Variants in THSD7B observed in about 807,000 individuals in gnomAD.
THSD7B encodes thrombospondin type 1 domain containing 7B.
A neutral mutation model predicts 213.6 loss-of-function variants in THSD7B; 138 were observed. The ratio of observed to expected loss-of-function variants is 0.65; its 90% confidence interval spans 0.56 to 0.74. The LOEUF is 0.74. THSD7B is among the 30% of genes least tolerant of loss of function. The probability of loss-of-function intolerance (pLI) is 0.00; values close to 1 mark genes in which losing one functional copy is unlikely to be tolerated. For synonymous variants in THSD7B, 742 were observed against 687.0 expected, an observed-to-expected ratio of 1.08 and a Z score of -1.25; for missense variants, 1,931 against 1,991.5, an observed-to-expected ratio of 0.97 and a Z score of 0.58.
At position 136,995,523 on chromosome 2, in the gene THSD7B, C is replaced by A. The variant is rs540849034; in HGVS notation, c.140-60897C>A. On this transcript the variant is annotated intron_variant, in intron 2 of 27. Coordinates refer to ENST00000409968, the MANE Select transcript of THSD7B (RefSeq NM_001316349.2). ...GTTTCAAGGAAAGTTTTAATTTGAA[C>A]TAGTCTGAGTAGTAAAAAGAACTAA... Among the ~76,000 whole-genome samples the A allele has an allele frequency of 8.5e-5, 13 of 152,080 alleles. No homozygotes were observed. In the East Asian group the frequency reaches 2.5e-3, roughly 30 times the overall value.
chr2:137,112,914 T>C (rs1222542466), intron 4 of THSD7B, among the ~76,000 whole-genome samples: 1 of 152,136 alleles, frequency 6.6e-6, no homozygotes, highest in East Asian at 1.9e-4. Flanking sequence ...ATCTCCCTTG[T>C]ACAGGTAGGA....
At chr2:137,413,426 A>C (rs149005646) in intron 14 of THSD7B, among the ~76,000 whole-genome samples, 66 of 152,366 alleles carry the variant, frequency 4.3e-4, no homozygotes, top group African/African-American at 1.5e-3. Context: ...ATAGAAATAG[A>C]ACAAATACAT....
At position 137,003,688 on chromosome 2, in the gene THSD7B, A is replaced by G. The variant is rs187244774; in HGVS notation, c.140-52732A>G. Among the ~76,000 whole-genome samples the G allele has an allele frequency of 1.2e-3, 184 of 152,242 alleles. 1 individual carries two copies. Among genetic ancestry groups the G allele is most frequent in the Admixed American group, 2.0e-3 (30 of 15,294 alleles). On this transcript the variant is annotated intron_variant, in intron 2 of 27. Coordinates refer to ENST00000409968, the MANE Select transcript of THSD7B (RefSeq NM_001316349.2). The stretch of plus-strand genomic sequence containing the variant: ...CATTCTCCTAGCCAAGACTCCTTAT[A>G]AGCATCTATTTACTGTGTACCTATC...
At chr2:137,286,169 CAA>C (rs1683173953) in intron 12 of THSD7B, among the ~76,000 whole-genome samples, 1 of 150,086 alleles carries the variant, frequency 6.7e-6, no homozygotes, top group Non-Finnish European at 1.5e-5. Flanking sequence ...TTATATAAAA[CAA>C]AGGCAAGTAA....
rs1312852881 is a variant in THSD7B at position 137,231,206 on chromosome 2, C to T, written c.1886C>T (p.Ser629Leu). ...AACTCAGATGGGAAACAGACCAGGT[C>T]AAGAACTATCCTGGCACTGGCTGGG... ...NKNSDGKQTR[S>L]RTILALAGEG... Residue 629 changes from serine to leucine, a missense_variant, in exon 8 of 28, where the codon TCA becomes TTA. Coordinates refer to ENST00000409968, the MANE Select transcript of THSD7B (RefSeq NM_001316349.2). 6.2e-7 allele frequency: 1 copy of T among 1,612,196 alleles called. No individual in the cohort carries two copies. The highest frequency in any genetic ancestry group is 1.1e-5 in the South Asian group (1 of 90,724).
intron 1 of THSD7B, among the ~76,000 whole-genome samples, chr2:136,766,426 C>G (rs958521471): frequency 8.5e-5 from 13 of 152,054 alleles, no homozygotes; most frequent in Admixed American, 7.2e-4. Flanking sequence ...GGGGGACAGG[C>G]ATATTTTCTA....
At chr2:137,450,388 T>C (rs943393998) in intron 14 of THSD7B, among the ~76,000 whole-genome samples, 3 of 152,380 alleles carry the variant, frequency 2.0e-5, no homozygotes, top group African/African-American at 7.2e-5. Context: ...GTCCACTGTC[T>C]GTCCTCTTCC....
intron 2 of THSD7B, among the ~76,000 whole-genome samples, chr2:137,018,857 T>C (rs1686391325): frequency 6.6e-6 from 1 of 152,218 alleles, no homozygotes; most frequent in Admixed American, 6.5e-5. Flanking sequence ...TTGGGAATTA[T>C]TGGCAGTTTC....
intron 5 of THSD7B, among the ~76,000 whole-genome samples, chr2:137,131,955 G>T (rs9711264): frequency 6.7e-6 from 1 of 148,964 alleles, no homozygotes; most frequent in African/African-American, 2.5e-5. Context: ...CATTGAATCT[G>T]TAAATTACCT....
chr2:136,862,575 G>T (rs1317135685), intron 1 of THSD7B, among the ~76,000 whole-genome samples: 1 of 152,166 alleles, frequency 6.6e-6, no homozygotes, highest in African/African-American at 2.4e-5. Context: ...TGAAAGAAAT[G>T]TGTAAATGAT....
chr2:137,136,662 C>T (rs1679467630), intron 5 of THSD7B, among the ~76,000 whole-genome samples: 3 of 152,270 alleles, frequency 2.0e-5, no homozygotes, highest in African/African-American at 7.2e-5. Context: ...CTGTTTGGCT[C>T]TTTTTAAATT....
chr2:137,644,790 C>CTT (rs1383976819), intron 21 of THSD7B, among the ~76,000 whole-genome samples: 1 of 152,138 alleles, frequency 6.6e-6, no homozygotes, highest in African/African-American at 2.4e-5. Context: ...GGATCTCATT[C>CTT]AATGAGGGAG....
At chr2:137,152,372 T>G (rs1012106781) in intron 5 of THSD7B, among the ~76,000 whole-genome samples, 29 of 152,216 alleles carry the variant, frequency 1.9e-4, no homozygotes, top group African/African-American at 6.8e-4. Context: ...ATTATTACTA[T>G]AACAGCTTAC....
chr2:137,246,891 T>A (rs899581411), intron 10 of THSD7B, among the ~76,000 whole-genome samples: 1 of 152,196 alleles, frequency 6.6e-6, no homozygotes, highest in African/African-American at 2.4e-5. Flanking sequence ...TCTCAGCCTT[T>A]AGTTTTTTCA....
chr2:137,173,162 C>A (rs920097), intron 7 of THSD7B, among the ~76,000 whole-genome samples: 10,208 of 151,996 alleles, frequency 0.067, 356 homozygotes, highest in African/African-American at 0.086. Context: ...ATAACCATTC[C>A]AAAAAGCCAT....
chr2:137,395,717 G>A (rs1242912995), intron 12 of THSD7B, among the ~76,000 whole-genome samples: 2 of 151,936 alleles, frequency 1.3e-5, no homozygotes, highest in African/African-American at 4.8e-5. Context: ...TCTATTGATT[G>A]GAATAGTTTC....
intron 15 of THSD7B, among the ~76,000 whole-genome samples, chr2:137,509,074 A>G (rs1322675233): frequency 6.6e-6 from 1 of 152,170 alleles, no homozygotes; most frequent in Non-Finnish European, 1.5e-5. Flanking sequence ...CTCCCTGGCC[A>G]AAGCAGTATT....
intron 15 of THSD7B, among the ~76,000 whole-genome samples, chr2:137,472,230 G>T (rs1688107797): frequency 6.6e-6 from 1 of 152,128 alleles, no homozygotes; most frequent in South Asian, 2.1e-4. Context: ...AAATAGAAAA[G>T]AAATTAGGAA....
intron 9 of THSD7B, among the ~76,000 whole-genome samples, chr2:137,233,872 T>C (rs1681699718): frequency 6.6e-6 from 1 of 152,188 alleles, no homozygotes; most frequent in South Asian, 2.1e-4. Flanking sequence ...CTATGCATTA[T>C]AGAGAGACTT....
Sources: allele counts gnomAD v4.1 joint callset (sites outside exome capture counted in the v4.1 genomes callset), GRCh38; gene constraint gnomAD v4.1.1; transcripts MANE v1.5; gene names NCBI Gene and HGNC (gene_info 2026-07-23, HGNC 2026-07-21).